DLG2: variants seen among roughly 807,000 people sequenced by gnomAD.
DLG2 encodes the protein discs large MAGUK scaffold protein 2, also known as disks large homolog 2.
DLG2 carries 45 observed loss-of-function variants against 132.5 expected under a neutral mutation model. The observed-to-expected ratio is 0.34, with a 90% CI of 0.27 to 0.44. The LOEUF is 0.44. Among genes scored for constraint, DLG2 ranks in the 20% least tolerant of loss-of-function variants. The probability of loss-of-function intolerance (pLI) is 1.00; values close to 1 mark genes in which losing one functional copy is unlikely to be tolerated. For synonymous variants in DLG2, 424 were observed against 419.6 expected, an observed-to-expected ratio of 1.01 and a Z score of -0.13; for missense variants, 1,045 against 1,196.9, an observed-to-expected ratio of 0.87 and a Z score of 1.87.
intron 7 of DLG2, among the ~76,000 whole-genome samples, chr11:84,350,289 C>T (rs996655704): frequency 6.6e-6 from 1 of 151,868 alleles, no homozygotes; most frequent in Non-Finnish European, 1.5e-5. Flanking sequence ...CTTCATGAAC[C>T]TCTTGAAATT....
chr11:84,411,108 A>C (rs1435381479), intron 7 of DLG2, among the ~76,000 whole-genome samples: 1 of 152,186 alleles, frequency 6.6e-6, no homozygotes, highest in Non-Finnish European at 1.5e-5. Context: ...CAGTAAACAG[A>C]GGTAGAATTT....
intron 3 of DLG2, among the ~76,000 whole-genome samples, chr11:85,298,418 G>A (rs983255337): frequency 6.6e-6 from 1 of 152,148 alleles, no homozygotes; most frequent in African/African-American, 2.4e-5. Context: ...AACATCATAA[G>A]TAAATGCAGC....
intron 6 of DLG2, among the ~76,000 whole-genome samples, chr11:85,041,219 T>C (rs185128335): frequency 8.0e-4 from 122 of 152,064 alleles, no homozygotes; most frequent in African/African-American, 2.9e-3. Context: ...AGCAGTGCAG[T>C]AGCAGTGATA....
intron 3 of DLG2, among the ~76,000 whole-genome samples, chr11:85,314,173 A>T (rs2152812626): frequency 6.6e-6 from 1 of 152,106 alleles, no homozygotes; most frequent in Non-Finnish European, 1.5e-5. Flanking sequence ...CAGCTACAAA[A>T]CTGGCTCCTG....
intron 6 of DLG2, among the ~76,000 whole-genome samples, chr11:85,055,020 T>C (rs1023125319): frequency 6.6e-6 from 1 of 151,858 alleles, no homozygotes; most frequent in African/African-American, 2.4e-5. Flanking sequence ...AAATAAAAGA[T>C]TAAAAATAAA....
At chr11:83,784,835 G>A (rs949260041) in intron 18 of DLG2, among the ~76,000 whole-genome samples, 5 of 152,068 alleles carry the variant, frequency 3.3e-5, no homozygotes, top group South Asian at 2.1e-4. Context: ...CCATCTTATC[G>A]TCTGCAGAAT....
chr11:83,461,911 G>A, intron 27 of DLG2, 91 bp downstream of exon 27: 1 of 847,866 alleles, frequency 1.2e-6, no homozygotes, highest in African/African-American at 1.7e-5. Flanking sequence ...AGGTTTTAGG[G>A]CACAAGTACA....
chr11:84,518,035 G>A (rs976653841), intron 7 of DLG2, among the ~76,000 whole-genome samples: 1 of 151,668 alleles, frequency 6.6e-6, no homozygotes, highest in Admixed American at 6.6e-5. Context: ...TGTTGTCAAA[G>A]GATACAAAAT....
At chr11:83,714,384 T>C (rs1592955880) in intron 18 of DLG2, among the ~76,000 whole-genome samples, 1 of 152,104 alleles carries the variant, frequency 6.6e-6, no homozygotes, top group South Asian at 2.1e-4. Flanking sequence ...TTATCTACTT[T>C]AATAATGATC....
chr11:85,291,091 T>A (rs368134703), intron 3 of DLG2, among the ~76,000 whole-genome samples: 4 of 152,108 alleles, frequency 2.6e-5, no homozygotes, highest in Non-Finnish European at 1.5e-5. Context: ...TCCTTGGAAA[T>A]GGTAAATATT....
intron 3 of DLG2, among the ~76,000 whole-genome samples, chr11:85,322,976 ACCC>A (rs1445655357): frequency 1.3e-5 from 2 of 152,202 alleles, no homozygotes; most frequent in Admixed American, 1.3e-4. Flanking sequence ...TGCACACACA[ACCC>A]CCATTGATTT....
chr11:85,091,414 T>A (rs570924649), intron 6 of DLG2, among the ~76,000 whole-genome samples: 1 of 152,326 alleles, frequency 6.6e-6, no homozygotes, highest in African/African-American at 2.4e-5. Flanking sequence ...GGATGGTAGA[T>A]GATGAAGACT....
chr11:83,888,141 GAA>G (rs2068517323), intron 15 of DLG2, among the ~76,000 whole-genome samples: 3 of 150,544 alleles, frequency 2.0e-5, no homozygotes, highest in Admixed American at 6.6e-5. Flanking sequence ...ATTCAATTAG[GAA>G]AAGAGGAAGT....
Position 83,902,578 on chromosome 11 carries a change from C to A in DLG2, c.1496+27750G>T, listed in dbSNP as rs143436233. Among the ~76,000 whole-genome samples the A allele has an allele frequency of 1.7e-3, 256 of 152,238 alleles. 2 individuals are homozygous for A. Among genetic ancestry groups the A allele is most frequent in the African/African-American group, 5.8e-3 (240 of 41,546 alleles). ...ACAGAAGGCACTGGAAATGTTTAAT[C>A]TAGAAAAGGGAAAGCTCTAAGCAAA... On this transcript the variant is annotated intron_variant, in intron 15 of 27. Coordinates refer to ENST00000376104, the MANE Select transcript of DLG2 (RefSeq NM_001142699.3).
chr11:85,581,966 A>C (rs910352828), intron 3 of DLG2, among the ~76,000 whole-genome samples: 1 of 152,236 alleles, frequency 6.6e-6, no homozygotes, highest in East Asian at 1.9e-4. Context: ...TGTCTGAGGA[A>C]GTGTAATAGG....
At chr11:83,486,032 G>A (rs192909587) in intron 21 of DLG2, 1 of 426,646 alleles carries the variant, frequency 2.3e-6, no homozygotes, top group Admixed American at 4.2e-5. Flanking sequence ...AGAGGGAAAA[G>A]AGGTATCACT....
intron 6 of DLG2, among the ~76,000 whole-genome samples, chr11:84,956,006 A>T (rs1410508339): frequency 6.6e-6 from 1 of 152,166 alleles, no homozygotes; most frequent in African/African-American, 2.4e-5. Context: ...GAAGCACTGC[A>T]TGTTTCCAGC....
intron 7 of DLG2, among the ~76,000 whole-genome samples, chr11:84,307,357 T>A (rs1433991490): frequency 1.3e-5 from 2 of 152,064 alleles, no homozygotes; most frequent in Admixed American, 6.5e-5. Context: ...GGGTGGATGG[T>A]GAGAAGAAGG....
chr11:84,707,165 A>C (rs2059872138), intron 6 of DLG2, among the ~76,000 whole-genome samples: 1 of 151,822 alleles, frequency 6.6e-6, no homozygotes, highest in Admixed American at 6.6e-5. Context: ...TAGCTCCCCA[A>C]GCGAACACCT....
Sources: allele counts gnomAD v4.1 joint callset (sites outside exome capture counted in the v4.1 genomes callset), GRCh38; gene constraint gnomAD v4.1.1; transcripts MANE v1.5; gene names NCBI Gene and HGNC (gene_info 2026-07-23, HGNC 2026-07-21).